UNC5B: variants seen among roughly 807,000 people sequenced by gnomAD.
The protein encoded by UNC5B is netrin receptor UNC5B.
A neutral mutation model predicts 103.7 loss-of-function variants in UNC5B; 56 were observed. That is an observed-to-expected ratio of 0.54 (90% confidence interval 0.44 to 0.67). UNC5B has a LOEUF of 0.67. Among genes scored for constraint, UNC5B ranks in the 30% least tolerant of loss-of-function variants. The pLI, the probability that UNC5B is intolerant of heterozygous loss-of-function variation, is 0.00. For synonymous variants in UNC5B, 577 were observed against 542.0 expected (o/e 1.06, Z -0.90); for missense variants, 1,194 against 1,284.5 (o/e 0.93, Z 1.08).
At chr10:71,271,301 T>G (rs1012522161) in intron 1 of UNC5B, among the ~76,000 whole-genome samples, 7 of 152,256 alleles carry the variant, frequency 4.6e-5, no homozygotes, top group African/African-American at 1.7e-4. Context: ...TTGACAATAA[T>G]GTGCGCTGTC....
intron 4 of UNC5B, among the ~76,000 whole-genome samples, chr10:71,285,716 C>G (rs568840026): frequency 5.3e-5 from 8 of 152,350 alleles, no homozygotes; most frequent in East Asian, 1.9e-4. Flanking sequence ...AGCTCAGTCT[C>G]TATCTCCTGC....
chr10:71,295,765 T>A (rs1335164192), intron 13 of UNC5B, 46 bp from the exon 14 acceptor site: 1 of 1,592,466 alleles, frequency 6.3e-7, no homozygotes, highest in Admixed American at 1.8e-5. Flanking sequence ...AGAGGCCCAT[T>A]GGCCAGGTGT....
chr10:71,296,517 T>G, intron 14 of UNC5B, 61 bp from the exon 15 acceptor site: 2 of 1,575,918 alleles, frequency 1.3e-6, no homozygotes, highest in Non-Finnish European at 1.7e-6. Flanking sequence ...TGAGCCTCCA[T>G]TTCTATGAGG....
At chr10:71,267,546 G>A (rs1187305789) in intron 1 of UNC5B, among the ~76,000 whole-genome samples, 1 of 152,194 alleles carries the variant, frequency 6.6e-6, no homozygotes, top group Non-Finnish European at 1.5e-5. Context: ...AAGAAGTCTC[G>A]ATGTCTGGAT....
intron 8 of UNC5B, 86 bp downstream of exon 8, chr10:71,289,076 G>C: frequency 2.5e-6 from 4 of 1,591,706 alleles, no homozygotes; most frequent in Non-Finnish European, 3.4e-6. Flanking sequence ...AGGGTGCAGG[G>C]CAGGGAGAGC....
At chr10:71,290,814 G>A (rs900330428) in intron 8 of UNC5B, 101 bp from the exon 9 acceptor site, 23 of 1,382,506 alleles carry the variant, frequency 1.7e-5, no homozygotes, top group African/African-American at 4.4e-5. Context: ...GCACCGGGCC[G>A]GTTGGCCCTG....
At chr10:71,243,091 C>T (rs548700336) in intron 1 of UNC5B, among the ~76,000 whole-genome samples, 3 of 152,028 alleles carry the variant, frequency 2.0e-5, no homozygotes, top group Non-Finnish European at 4.4e-5. Flanking sequence ...AAAAATTAGC[C>T]GGGCATGGTG....
intron 6 of UNC5B, 53 bp from the exon 7 acceptor site, chr10:71,288,515 A>G: frequency 6.3e-7 from 1 of 1,579,744 alleles, no homozygotes; most frequent in South Asian, 1.1e-5. Flanking sequence ...ACACATAACT[A>G]TGTGTGCACA....
At chr10:71,227,753 C>A (rs1315650553) in intron 1 of UNC5B, among the ~76,000 whole-genome samples, 2 of 148,386 alleles carry the variant, frequency 1.3e-5, no homozygotes, top group Non-Finnish European at 3.0e-5. Context: ...CACATACATA[C>A]CCTAGTCCTA....
intron 1 of UNC5B, among the ~76,000 whole-genome samples, chr10:71,254,053 G>GACAAAAATGAGCTCA: frequency 6.6e-6 from 1 of 152,166 alleles, no homozygotes; most frequent in African/African-American, 2.4e-5. Flanking sequence ...TAGTAGAGAG[G>GACAAAAATGAGCTCA]ACAAAAATGA....
In UNC5B at chr10:71,293,538, C is replaced by T; in HGVS notation, c.1906C>T (p.Gln636Ter). The T allele has an allele frequency of 6.2e-7, 1 of 1,613,952 alleles. No homozygotes were observed. ...AGTCAGTGCCCGTGACTGGATCTTTCAGCTCAAGACCCAGGCCCACCAGGG... is the reference window on the plus strand; with the variant it reads ...AGTCAGTGCCCGTGACTGGATCTTTTAGCTCAAGACCCAGGCCCACCAGGG... ...AEVSARDWIF[Q>*]LKTQAHQGHW... is the part of the protein sequence containing the mutation. Residue 636 changes from glutamine (Q) to a stop codon, truncating the protein, a stop_gained, in exon 12 of 17, where the codon CAG becomes TAG. Transcript: ENST00000335350. LOFTEE classifies it high-confidence loss of function.
chr10:71,226,883 GAGAT>G (rs1843575014), intron 1 of UNC5B, among the ~76,000 whole-genome samples: 1 of 151,984 alleles, frequency 6.6e-6, no homozygotes, highest in Admixed American at 6.5e-5. Flanking sequence ...CTTTTCAGAT[GAGAT>G]AGATAGATAT....
intron 1 of UNC5B, among the ~76,000 whole-genome samples, chr10:71,219,911 C>T (rs1843417807): frequency 6.6e-6 from 1 of 152,318 alleles, no homozygotes; most frequent in East Asian, 1.9e-4. Flanking sequence ...TCCAGTTCTT[C>T]TGAGAGCATG....
chr10:71,266,605 T>G (rs1454573696), intron 1 of UNC5B, among the ~76,000 whole-genome samples: 1 of 152,146 alleles, frequency 6.6e-6, no homozygotes, highest in Non-Finnish European at 1.5e-5. Context: ...CATCAGCCTT[T>G]TGCAGCTCTG....
At chr10:71,225,665 T>C (rs1589150110) in intron 1 of UNC5B, among the ~76,000 whole-genome samples, 1 of 152,118 alleles carries the variant, frequency 6.6e-6, no homozygotes, top group African/African-American at 2.4e-5. Context: ...CAGCAGGGAG[T>C]AGAGAGTTAG....
At position 71,248,743 on chromosome 10, in the gene UNC5B, CAG is replaced by C. The variant is rs1323247899; in HGVS notation, c.80-31077_80-31076del. 3.3e-5 allele frequency among the ~76,000 whole-genome samples: 5 copies of C among 152,118 alleles called. No individual in the cohort carries two copies. The East Asian group carries it at 9.7e-4, about 29-fold the overall frequency. ...TTTTACACAGACCTGTGTACATGCT[CAG>C]GGGTACACAGCAGAGGATGCCTGAA... On this transcript the variant is annotated intron_variant, in intron 1 of 16. Coordinates refer to ENST00000335350, the MANE Select transcript of UNC5B (RefSeq NM_170744.5).
At position 71,288,645 on chromosome 10, in the gene UNC5B, A is replaced by T; in HGVS notation, c.979A>T (p.Met327Leu). 6.2e-7 allele frequency: 1 copy of T among 1,613,810 alleles called. No homozygotes were observed. Among genetic ancestry groups the T allele is most frequent in the Non-Finnish European group, 8.5e-7 (1 of 1,179,966 alleles). ...ECAHWRSREC[M>L]APPPQNGGRD... is the part of the protein sequence containing the mutation. ...TGCCCACTGGCGTAGCCGCGAGTGC[A>T]TGGCGCCCCCACCCCAGAACGGAGG... Residue 327 changes from methionine (M) to leucine (L), a missense_variant, in exon 7 of 17, where the codon ATG becomes TTG. By Grantham distance (15) the Met-to-Leu change is conservative (BLOSUM62 2). Transcript: ENST00000335350.
At chr10:71,245,775 C>A (rs1395060054) in intron 1 of UNC5B, among the ~76,000 whole-genome samples, 1 of 152,168 alleles carries the variant, frequency 6.6e-6, no homozygotes, top group Non-Finnish European at 1.5e-5. Context: ...ATTCTGTAGG[C>A]ACTCTGGGTG....
At chr10:71,236,980 G>C (rs1055655830) in intron 1 of UNC5B, among the ~76,000 whole-genome samples, 1 of 152,224 alleles carries the variant, frequency 6.6e-6, no homozygotes, top group Non-Finnish European at 1.5e-5. Flanking sequence ...TGAGCTCCAC[G>C]GCTGGGATGT....
Sources: allele counts gnomAD v4.1 joint callset (sites outside exome capture counted in the v4.1 genomes callset), GRCh38; gene constraint gnomAD v4.1.1; transcripts MANE v1.5; gene names NCBI Gene and HGNC (gene_info 2026-07-23, HGNC 2026-07-21).